Variants in LY75 observed in about 807,000 individuals in gnomAD.
The protein encoded by LY75 is C-type lectin domain family 13 member B.
A neutral mutation model predicts 231.7 loss-of-function variants in LY75; 185 were observed. The observed-to-expected ratio is 0.80, with a 90% CI of 0.71 to 0.90. The LOEUF is 0.90. Among genes scored for constraint, LY75 ranks in the 40% least tolerant of loss-of-function variants. The pLI, the probability that LY75 is intolerant of heterozygous loss-of-function variation, is 0.00. For missense variants in LY75, 1,947 were observed against 2,050.2 expected, an observed-to-expected ratio of 0.95 and a Z score of 0.97; for synonymous variants, 668 against 689.0, an observed-to-expected ratio of 0.97 and a Z score of 0.48.
At position 159,872,458 on chromosome 2, in the gene LY75, G is replaced by A; in HGVS notation, c.2110C>T (p.Gln704Ter). ...IKEFLHFLTD[Q>*]FSGQHWLWIG... is the part of the protein sequence containing the mutation. Reference sequence around the variant, plus strand: ...TCATTCTTAAAGTATTACCTGAACTGGTCCGTTAAAAAGTGAAGAAATTCC... The same window carrying A: ...TCATTCTTAAAGTATTACCTGAACTAGTCCGTTAAAAAGTGAAGAAATTCC... The change falls in exon 13 of 35, where the codon CAG becomes TAG. Residue 704 changes from glutamine to a stop codon, truncating the protein, a stop_gained. Coordinates refer to ENST00000263636, the MANE Select transcript of LY75 (RefSeq NM_002349.4). LOFTEE classifies it high-confidence loss of function. 1.2e-6 allele frequency: 2 copies of A among 1,613,536 alleles called. No homozygotes were observed. The highest frequency in any genetic ancestry group is 1.7e-6 in the Non-Finnish European group (2 of 1,179,750).
chr2:159,892,976 T>C (rs1272197587), intron 3 of LY75, among the ~76,000 whole-genome samples: 2 of 152,140 alleles, frequency 1.3e-5, no homozygotes, highest in African/African-American at 4.8e-5. Context: ...TCTAAAAGTG[T>C]TTTTCAACTG....
At chr2:159,828,363 C>T (rs1002059773) in intron 28 of LY75, among the ~76,000 whole-genome samples, 6 of 151,646 alleles carry the variant, frequency 4.0e-5, no homozygotes, top group African/African-American at 1.5e-4. Context: ...TAGGGATTTC[C>T]CCAAAGGTGA....
In LY75 at chr2:159,805,226, G is replaced by T. The variant is rs1324028084; in HGVS notation, c.4991-4C>A. 3.1e-6 allele frequency: 5 copies of T among 1,612,026 alleles called. No individual in the cohort carries two copies. The highest frequency in any genetic ancestry group is 4.2e-6 in the Non-Finnish European group (5 of 1,178,662). ...GCTATTGCTGTGTAATCAGGGCCTG[G>T]AACAGGAAAAGGTTTGATGTTGGAG... On this transcript the variant is annotated splice_polypyrimidine_tract_variant and splice_region_variant and intron_variant, in intron 34 of 34. Transcript: ENST00000263636.
chr2:159,892,908 A>G (rs1252300271), intron 3 of LY75, among the ~76,000 whole-genome samples: 5 of 152,098 alleles, frequency 3.3e-5, no homozygotes, highest in African/African-American at 9.7e-5. Flanking sequence ...AGGAAGATCT[A>G]TCTCTTCTCT....
chr2:159,845,011 C>T (rs1684160289), intron 23 of LY75, among the ~76,000 whole-genome samples: 1 of 152,002 alleles, frequency 6.6e-6, no homozygotes. Context: ...TGTTAATTTG[C>T]TTAGGATTAT....
At chr2:159,870,837 C>G (rs1272688330) in intron 13 of LY75, among the ~76,000 whole-genome samples, 2 of 152,046 alleles carry the variant, frequency 1.3e-5, no homozygotes, top group African/African-American at 4.8e-5. Flanking sequence ...AAAAATCACT[C>G]AAAATCTTAC....
intron 23 of LY75, among the ~76,000 whole-genome samples, chr2:159,848,517 C>T (rs1366279047): frequency 1.3e-5 from 2 of 152,076 alleles, no homozygotes; most frequent in East Asian, 1.9e-4. Flanking sequence ...AGACTTTACT[C>T]GTGTAACCAA....
intron 14 of LY75, 123 bp downstream of exon 14, chr2:159,864,716 G>T: frequency 2.2e-6 from 2 of 921,470 alleles, no homozygotes; most frequent in Non-Finnish European, 1.5e-6. Context: ...GATTTCTTTG[G>T]CTATTCAGGG....
chr2:159,808,215 T>C (rs1682845743), intron 33 of LY75: 2 of 814,010 alleles, frequency 2.5e-6, no homozygotes, highest in Non-Finnish European at 3.0e-6. Context: ...TCTAGAAAGA[T>C]TCCACTTTAT....
intron 26 of LY75, 135 bp downstream of exon 26, chr2:159,835,345 A>T: frequency 4.5e-6 from 4 of 897,026 alleles, no homozygotes; most frequent in Non-Finnish European, 6.2e-6. Flanking sequence ...TTCACAACAA[A>T]TGTTGCCATA....
chr2:159,843,168 C>A (rs570439531), intron 23 of LY75, among the ~76,000 whole-genome samples: 17 of 150,884 alleles, frequency 1.1e-4, no homozygotes, highest in Non-Finnish European at 7.4e-5. Context: ...CAGAACCCCA[C>A]GAAAAATGGG....
At position 159,877,741 on chromosome 2, in the gene LY75, C is replaced by T. The variant is rs537018752; in HGVS notation, c.1774+583G>A. 3.3e-5 allele frequency among the ~76,000 whole-genome samples: 5 copies of T among 152,002 alleles called. No individual in the cohort carries two copies. In the East Asian group the frequency reaches 9.7e-4, roughly 29 times the overall value. On this transcript the variant is annotated intron_variant, in intron 11 of 34. Transcript: ENST00000263636. ...AAAAGTAGCTGGGCATGTTGGCATGCACCTGTAATCCCAGCTACTTGGGAG... is the reference window on the plus strand; with the variant it reads ...AAAAGTAGCTGGGCATGTTGGCATGTACCTGTAATCCCAGCTACTTGGGAG...
chr2:159,826,855 T>C (rs1683485783), intron 28 of LY75, among the ~76,000 whole-genome samples: 1 of 152,008 alleles, frequency 6.6e-6, no homozygotes, highest in Non-Finnish European at 1.5e-5. Flanking sequence ...AAGCACTGGG[T>C]AAAATATTCC....
chr2:159,815,086 C>T (rs1683079373), intron 31 of LY75, among the ~76,000 whole-genome samples: 1 of 151,238 alleles, frequency 6.6e-6, no homozygotes, highest in South Asian at 2.1e-4. Flanking sequence ...CTGCAAGCTC[C>T]GCCTCCCGGG....
At chr2:159,830,114 C>G (rs1398999589) in intron 28 of LY75, among the ~76,000 whole-genome samples, 1 of 152,218 alleles carries the variant, frequency 6.6e-6, no homozygotes, top group East Asian at 1.9e-4. Flanking sequence ...CTTATCCTCA[C>G]TTGGTAAACC....
At chr2:159,818,638 T>C (rs1309535528) in intron 29 of LY75, among the ~76,000 whole-genome samples, 1 of 152,146 alleles carries the variant, frequency 6.6e-6, no homozygotes, top group Non-Finnish European at 1.5e-5. Context: ...AAGATAATAA[T>C]GGATAAATAT....
At chr2:159,850,702 C>A (rs2125854000) in intron 21 of LY75, among the ~76,000 whole-genome samples, 1 of 145,262 alleles carries the variant, frequency 6.9e-6, no homozygotes, top group East Asian at 2.0e-4. Context: ...TCATAGCTCA[C>A]TGTAACCTTG....
At chr2:159,850,286 T>A in intron 22 of LY75, 76 bp downstream of exon 22, 22 of 1,558,232 alleles carry the variant, frequency 1.4e-5, no homozygotes, top group Non-Finnish European at 1.9e-5. Flanking sequence ...TTTTTGTATG[T>A]TAATTCCCCA....
In LY75 at chr2:159,898,811, G is replaced by T. The variant is rs1223907149; in HGVS notation, c.343C>A (p.Leu115Met). 7 of 1,614,102 alleles carry T rather than the reference G, an allele frequency of 4.3e-6. No individual in the cohort carries two copies. The highest frequency in any genetic ancestry group is 5.9e-6 in the Non-Finnish European group (7 of 1,180,022). The change falls in exon 2 of 35, where the codon CTG (leucine) becomes ATG (methionine). Residue 115 changes from leucine (L) to methionine (M), a missense_variant. By Grantham distance (15) the Leu-to-Met change is conservative. Coordinates refer to ENST00000263636, the MANE Select transcript of LY75 (RefSeq NM_002349.4). ...AGCCGGTACCGGGCAGCTCCGTACA[G>T]AGAGTGGTGCTCACATTTCCACCAC... ...MLWWKCEHHS[L>M]YGAARYRLAL...
Sources: allele counts gnomAD v4.1 joint callset (sites outside exome capture counted in the v4.1 genomes callset), GRCh38; gene constraint gnomAD v4.1.1; transcripts MANE v1.5; gene names NCBI Gene and HGNC (gene_info 2026-07-23, HGNC 2026-07-21).